PIK3CB: variants seen among roughly 807,000 people sequenced by gnomAD.
PIK3CB encodes phosphatidylinositol-4,5-bisphosphate 3-kinase catalytic subunit beta, also known as phosphatidylinositol 4,5-bisphosphate 3-kinase catalytic subunit beta isoform.
A neutral mutation model predicts 136.8 loss-of-function variants in PIK3CB; 39 were observed. The observed-to-expected ratio is 0.29, with a 90% confidence interval of 0.22 to 0.37. The LOEUF (loss-of-function observed/expected upper bound fraction) is 0.37, where lower values mean the gene tolerates loss of function less well. PIK3CB is among the 10% of genes least tolerant of loss of function. The probability of loss-of-function intolerance (pLI) is 1.00; values close to 1 mark genes in which losing one functional copy is unlikely to be tolerated. For synonymous variants in PIK3CB, 428 were observed against 436.6 expected (o/e 0.98, Z 0.25); for missense variants, 868 against 1,275.4 (o/e 0.68, Z 4.87).
At chr3:138,658,415 G>A (rs1169451688) in intron 21 of PIK3CB, among the ~76,000 whole-genome samples, 4 of 151,972 alleles carry the variant, frequency 2.6e-5, no homozygotes, top group South Asian at 2.1e-4. Flanking sequence ...ATGCCACTAC[G>A]CTCTTGCCTG....
intron 1 of PIK3CB, among the ~76,000 whole-genome samples, chr3:138,833,327 A>C (rs189539280): frequency 1.8e-4 from 28 of 152,154 alleles, no homozygotes; most frequent in Non-Finnish European, 3.2e-4. Context: ...TCGGCCTCCC[A>C]AAGTGCTGGG....
intron 19 of PIK3CB, among the ~76,000 whole-genome samples, chr3:138,669,461 G>A (rs948430870): frequency 2.0e-5 from 3 of 148,448 alleles, no homozygotes; most frequent in Non-Finnish European, 4.5e-5. Flanking sequence ...CTCCATTAGT[G>A]TAATTCAGAT....
At chr3:138,788,964 C>CAAAAAAAAAAAAAAAAAAAAAAAAAA in intron 2 of PIK3CB, among the ~76,000 whole-genome samples, 1 of 89,482 alleles carries the variant, frequency 1.1e-5, no homozygotes, top group African/African-American at 4.6e-5. Context: ...GACTTCGTCT[C>CAAAAAAAAAAAAAAAAAAAAAAAAAA]AAAAAAAAAA....
At chr3:138,739,987 T>C (rs560315279) in intron 5 of PIK3CB, among the ~76,000 whole-genome samples, 3 of 151,954 alleles carry the variant, frequency 2.0e-5, no homozygotes, top group Admixed American at 6.6e-5. Flanking sequence ...AAGATAGTTA[T>C]GTATGCACCA....
intron 2 of PIK3CB, among the ~76,000 whole-genome samples, chr3:138,769,033 GA>G (rs1262117637): frequency 1.3e-5 from 2 of 152,140 alleles, no homozygotes; most frequent in Non-Finnish European, 2.9e-5. Flanking sequence ...CATGGAGCAG[GA>G]GGCCCGGGTC....
At position 138,665,156 on chromosome 3, in the gene PIK3CB, A is replaced by G; in HGVS notation, c.2552T>C (p.Ile851Thr). Residue 851 changes from isoleucine (I) to threonine (T), a missense_variant, in exon 20 of 24, where the codon ATT becomes ACT. Ile to Thr is a moderately conservative substitution (Grantham distance 89). This residue lies in a region of PIK3CB where 165 missense variants were observed against 295.4 expected (regional missense o/e 0.56). Coordinates refer to ENST00000674063, the MANE Select transcript of PIK3CB (RefSeq NM_006219.3). Reference protein sequence around the residue: ...CLATGDRSGLIEVVSTSETIA... With the variant: ...CLATGDRSGLTEVVSTSETIA... ...TGTTTCAGAGGTGCTCACAACTTCA[A>G]TGAGGCCAGAGCGATCTCCTGTTGC... The G allele has an allele frequency of 6.2e-7, 1 of 1,613,332 alleles. No individual in the cohort carries two copies. The highest frequency in any genetic ancestry group is 8.5e-7 in the Non-Finnish European group (1 of 1,179,568).
intron 18 of PIK3CB, among the ~76,000 whole-genome samples, chr3:138,682,888 G>A (rs2043809602): frequency 6.6e-6 from 1 of 152,132 alleles, no homozygotes; most frequent in Non-Finnish European, 1.5e-5. Context: ...TCTGTGCCTT[G>A]TTTGTAGTCA....
At chr3:138,694,700 T>G in intron 14 of PIK3CB, 86 bp downstream of exon 14, 1 of 1,377,412 alleles carries the variant, frequency 7.3e-7, no homozygotes, top group Non-Finnish European at 9.9e-7. Context: ...GCCCTTTTCT[T>G]TCTTATGAGA....
intron 2 of PIK3CB, among the ~76,000 whole-genome samples, chr3:138,773,519 A>G (rs1249835906): frequency 6.6e-6 from 1 of 152,262 alleles, no homozygotes; most frequent in Non-Finnish European, 1.5e-5. Flanking sequence ...AAAATTTAAT[A>G]AAAGTCATAT....
At chr3:138,789,811 CT>C in intron 2 of PIK3CB, among the ~76,000 whole-genome samples, 2 of 151,984 alleles carry the variant, frequency 1.3e-5, no homozygotes, top group South Asian at 4.1e-4. Context: ...CTGACTCAGC[CT>C]CCCGAGTAGG....
chr3:138,795,623 C>T (rs1004333217), intron 2 of PIK3CB, among the ~76,000 whole-genome samples: 3 of 151,812 alleles, frequency 2.0e-5, no homozygotes, highest in African/African-American at 4.8e-5. Context: ...AGCAAGACTC[C>T]GTTTCAAAAA....
chr3:138,760,198 C>G (rs1250584673), intron 2 of PIK3CB, among the ~76,000 whole-genome samples: 1 of 152,200 alleles, frequency 6.6e-6, no homozygotes, highest in Non-Finnish European at 1.5e-5. Flanking sequence ...GCTGGGATTA[C>G]AGGCGTGACC....
At chr3:138,731,238 T>C (rs962774152) in intron 8 of PIK3CB, among the ~76,000 whole-genome samples, 6 of 152,260 alleles carry the variant, frequency 3.9e-5, no homozygotes, top group Admixed American at 3.9e-4. Flanking sequence ...TAATCATGTT[T>C]GCACTTTTTC....
Position 138,665,221 on chromosome 3 carries a change from G to A in PIK3CB, c.2505-18C>T. 1 of 1,525,062 alleles carries A rather than the reference G, an allele frequency of 6.6e-7. No homozygotes were observed. The highest frequency in any genetic ancestry group is 8.9e-7 in the Non-Finnish European group (1 of 1,128,666). The allele number at this position is 1,525,062 out of a possible 1,614,324, so 94.5% of individuals were successfully genotyped here. On this transcript the variant is annotated intron_variant, in intron 19 of 23. Transcript: ENST00000674063. ...GCAACATCCTGGAAGGAAAAAAATGGGCATAGAGTCATATTTTCCTTAAAA... is the reference window on the plus strand; with the variant it reads ...GCAACATCCTGGAAGGAAAAAAATGAGCATAGAGTCATATTTTCCTTAAAA...
chr3:138,812,921 T>C (rs1257565208), intron 1 of PIK3CB, among the ~76,000 whole-genome samples: 1 of 152,118 alleles, frequency 6.6e-6, no homozygotes, highest in Non-Finnish European at 1.5e-5. Context: ...ATGACCTAAA[T>C]ACACACTGAA....
intron 16 of PIK3CB, among the ~76,000 whole-genome samples, chr3:138,688,500 CAAAAAAAAA>C (rs397991199): frequency 5.9e-5 from 5 of 84,060 alleles, no homozygotes; most frequent in African/African-American, 2.0e-4. Context: ...GACTCTGTCA[CAAAAAAAAA>C]AAAAAAAAAA....
chr3:138,801,886 A>G, intron 1 of PIK3CB, among the ~76,000 whole-genome samples: 1 of 145,140 alleles, frequency 6.9e-6, no homozygotes, highest in East Asian at 2.0e-4. Context: ...AAAAAAAGAT[A>G]AAGAAAAAAA....
At chr3:138,756,665 G>C (rs2045574611) in intron 3 of PIK3CB, among the ~76,000 whole-genome samples, 1 of 152,102 alleles carries the variant, frequency 6.6e-6, no homozygotes. Context: ...CAAAAGCTAA[G>C]AGCTGAAAAT....
intron 1 of PIK3CB, among the ~76,000 whole-genome samples, chr3:138,799,647 A>C (rs2046150043): frequency 6.6e-6 from 1 of 151,864 alleles, no homozygotes; most frequent in African/African-American, 2.4e-5. Context: ...ATCTGTCTAC[A>C]ACTAACCTCA....
Sources: gnomAD v4.1 joint callset for allele counts (sites outside exome capture counted in the v4.1 genomes callset) on GRCh38, gnomAD v4.1.1 for gene constraint, gnomAD v4.1.1 regional missense constraint, MANE v1.5 for transcripts, NCBI Gene and HGNC (gene_info 2026-07-23, HGNC 2026-07-21) for gene names.